The following CUX1 variants were observed in gnomAD, a reference collection of about 807,000 sequenced individuals.
CUX1 encodes the protein cut like homeobox 1.
Under a neutral mutation model 158.8 loss-of-function variants are expected in CUX1, and 31 were observed. The ratio of observed to expected loss-of-function variants is 0.20; its 90% CI spans 0.15 to 0.26. The LOEUF (loss-of-function observed/expected upper bound fraction) is 0.26, where lower values mean the gene tolerates loss of function less well. Ranked by LOEUF, CUX1 falls within the 10% of genes least tolerant of loss-of-function variation. The probability of loss-of-function intolerance (pLI) is 1.00; values close to 1 mark genes in which losing one functional copy is unlikely to be tolerated. For synonymous variants in CUX1, 879 were observed against 862.1 expected (o/e 1.02, Z -0.34); for missense variants, 1,589 against 2,014.6 (o/e 0.79, Z 4.04).
chr7:101,985,999 G>C (rs528543042), intron 2 of CUX1, among the ~76,000 whole-genome samples: 7 of 152,186 alleles, frequency 4.6e-5, no homozygotes, highest in Admixed American at 2.6e-4. Flanking sequence ...TCTCTGTTTT[G>C]TTGGCCTTTG....
chr7:102,151,278 C>T (rs938201096), intron 8 of CUX1, among the ~76,000 whole-genome samples: 2 of 152,060 alleles, frequency 1.3e-5, no homozygotes, highest in African/African-American at 4.8e-5. Flanking sequence ...TGGGGCTGGG[C>T]GCGTCGGTTC....
At chr7:101,920,155 T>C (rs1292464240) in intron 2 of CUX1, among the ~76,000 whole-genome samples, 2 of 151,610 alleles carry the variant, frequency 1.3e-5, no homozygotes, top group African/African-American at 4.8e-5. Context: ...AGTGTCTTGC[T>C]CTGTTGCCCA....
intron 21 of CUX1, 105 bp downstream of exon 21, chr7:102,227,774 G>C (rs1489630542): frequency 1.8e-6 from 2 of 1,140,554 alleles, no homozygotes; most frequent in African/African-American, 3.1e-5. Context: ...GTCTCAACTT[G>C]TGTAGGCACC....
At chr7:101,957,138 C>G (rs1057047771) in intron 2 of CUX1, among the ~76,000 whole-genome samples, 1 of 152,084 alleles carries the variant, frequency 6.6e-6, no homozygotes, top group African/African-American at 2.4e-5. Context: ...TATTTACTAA[C>G]ACAGAAAAGA....
At chr7:101,923,759 T>G (rs1805252730) in intron 2 of CUX1, among the ~76,000 whole-genome samples, 1 of 152,248 alleles carries the variant, frequency 6.6e-6, no homozygotes, top group Non-Finnish European at 1.5e-5. Flanking sequence ...ATCCTGGCTC[T>G]TGTTGGCTGC....
intron 1 of CUX1, among the ~76,000 whole-genome samples, chr7:101,878,387 G>A (rs1799377704): frequency 6.6e-6 from 1 of 152,230 alleles, no homozygotes; most frequent in Non-Finnish European, 1.5e-5. Flanking sequence ...ACAGGCTGCA[G>A]CTTAGCTAGA....
chr7:102,157,810 C>T (rs1384247155), intron 8 of CUX1, among the ~76,000 whole-genome samples: 7 of 152,118 alleles, frequency 4.6e-5, no homozygotes, highest in African/African-American at 1.4e-4. Context: ...AAGCACTCTC[C>T]GCATTCCTCT....
At chr7:101,938,292 A>G (rs987563112) in intron 2 of CUX1, among the ~76,000 whole-genome samples, 8 of 151,860 alleles carry the variant, frequency 5.3e-5, no homozygotes, top group African/African-American at 1.7e-4. Context: ...TTTTGCAGAG[A>G]CAGGGTCTCG....
chr7:101,903,182 C>T (rs1045528309), intron 1 of CUX1, among the ~76,000 whole-genome samples: 6 of 152,150 alleles, frequency 3.9e-5, no homozygotes, highest in Non-Finnish European at 7.3e-5. Flanking sequence ...GGCCAGACCT[C>T]AGTAGCCCCT....
intron 2 of CUX1, among the ~76,000 whole-genome samples, chr7:101,985,416 C>T (rs1188428887): frequency 6.6e-6 from 1 of 152,150 alleles, no homozygotes; most frequent in Non-Finnish European, 1.5e-5. Context: ...CCAAGAGGAG[C>T]GTTCTGTCCA....
At chr7:101,934,956 G>C (rs1053882747) in intron 2 of CUX1, among the ~76,000 whole-genome samples, 1 of 152,074 alleles carries the variant, frequency 6.6e-6, no homozygotes, top group Non-Finnish European at 1.5e-5. Context: ...GAGGAGGAAG[G>C]GTCCACGTAT....
chr7:101,842,006 C>G (rs575796229), intron 1 of CUX1, among the ~76,000 whole-genome samples: 2 of 152,116 alleles, frequency 1.3e-5, no homozygotes, highest in African/African-American at 4.8e-5. Context: ...TTGTAATTTT[C>G]TATTCATTTT....
chr7:102,035,497 C>T (rs1171745091), intron 3 of CUX1, among the ~76,000 whole-genome samples: 1 of 151,702 alleles, frequency 6.6e-6, no homozygotes, highest in Non-Finnish European at 1.5e-5. Flanking sequence ...AGTATTGCAA[C>T]AGAAGAAATC....
At chr7:101,920,791 AT>A (rs1294756292) in intron 2 of CUX1, among the ~76,000 whole-genome samples, 8 of 152,182 alleles carry the variant, frequency 5.3e-5, no homozygotes, top group Non-Finnish European at 2.9e-5. Context: ...TCCATTCCCT[AT>A]TGAATTAAGA....
intron 1 of CUX1, among the ~76,000 whole-genome samples, chr7:101,902,709 A>AGACG (rs1366412544): frequency 2.0e-5 from 3 of 152,216 alleles, no homozygotes; most frequent in Non-Finnish European, 1.5e-5. Flanking sequence ...TCTGTCCTGC[A>AGACG]GACGGAGCAG....
chr7:102,231,548 C>G (rs1554530802), intron 21 of CUX1, among the ~76,000 whole-genome samples: 2 of 152,016 alleles, frequency 1.3e-5, no homozygotes, highest in African/African-American at 2.4e-5. Flanking sequence ...AGGAGTCATA[C>G]AGATAATTTT....
chr7:101,827,772 A>G lies in CUX1; in HGVS notation c.30+10103A>G, dbSNP rs867996532. 5.1e-4 allele frequency among the ~76,000 whole-genome samples: 77 copies of G among 152,182 alleles called. 1 individual carries two copies. The highest frequency in any genetic ancestry group is 1.8e-3 in the African/African-American group (75 of 41,442). The stretch of plus-strand genomic sequence containing the variant: ...AAGCTAAAGAAAATGTTATTAAGAA[A>G]GTTGTAAGGAAGAGAGAATATATTT... On this transcript the variant is annotated intron_variant, in intron 1 of 23. Coordinates refer to ENST00000292535, the MANE Select transcript of CUX1 (RefSeq NM_181552.4).
intron 10 of CUX1, among the ~76,000 whole-genome samples, chr7:102,170,844 G>GC (rs1791634054): frequency 6.6e-6 from 1 of 152,078 alleles, no homozygotes; most frequent in Admixed American, 6.5e-5. Flanking sequence ...CCCCAGCCAG[G>GC]CCTGGGGGTG....
At chr7:102,118,691 T>G (rs1343558113) in intron 8 of CUX1, among the ~76,000 whole-genome samples, 1 of 152,178 alleles carries the variant, frequency 6.6e-6, no homozygotes, top group Non-Finnish European at 1.5e-5. Context: ...CCACCTCCCT[T>G]TCTGACCTGT....
Sources: gnomAD v4.1 joint callset for allele counts (sites outside exome capture counted in the v4.1 genomes callset) on GRCh38, gnomAD v4.1.1 for gene constraint, MANE v1.5 for transcripts, NCBI Gene and HGNC (gene_info 2026-07-23, HGNC 2026-07-21) for gene names.